The following CACNA2D3 variants were observed in gnomAD, a reference collection of about 807,000 sequenced individuals.
The protein encoded by CACNA2D3 is calcium voltage-gated channel auxiliary subunit alpha2delta 3, also known as voltage-dependent calcium channel subunit alpha-2/delta-3.
A neutral mutation model predicts 160.6 loss-of-function variants in CACNA2D3; 60 were observed. That is an observed-to-expected ratio of 0.37 (90% CI 0.30 to 0.46). The LOEUF (loss-of-function observed/expected upper bound fraction) is 0.46, where lower values mean the gene tolerates loss of function less well. CACNA2D3 is among the 20% of genes least tolerant of loss of function. CACNA2D3 has a pLI of 1.00. For synonymous variants in CACNA2D3, 558 were observed against 492.9 expected (o/e 1.13, Z -1.75); for missense variants, 1,205 against 1,365.0 (o/e 0.88, Z 1.85).
chr3:54,276,954 G>T (rs566460155), intron 2 of CACNA2D3, among the ~76,000 whole-genome samples: 5 of 152,288 alleles, frequency 3.3e-5, no homozygotes, highest in African/African-American at 1.2e-4. Flanking sequence ...ATGAGCTATG[G>T]CCCACCGCAG....
intron 11 of CACNA2D3, among the ~76,000 whole-genome samples, chr3:54,745,821 T>C (rs943609030): frequency 2.0e-5 from 3 of 152,186 alleles, no homozygotes; most frequent in Admixed American, 6.5e-5. Flanking sequence ...AATTGGAATT[T>C]TTTTTTCAAT....
intron 11 of CACNA2D3, among the ~76,000 whole-genome samples, chr3:54,743,548 C>T (rs1416254717): frequency 6.6e-6 from 1 of 152,134 alleles, no homozygotes; most frequent in East Asian, 1.9e-4. Flanking sequence ...GTGACACAGC[C>T]CCATGATGTT....
chr3:54,956,815 T>C (rs1021983358), intron 27 of CACNA2D3, among the ~76,000 whole-genome samples: 6 of 152,182 alleles, frequency 3.9e-5, no homozygotes, highest in African/African-American at 1.4e-4. Context: ...AGCAAATGAC[T>C]TACCTTGATA....
intron 2 of CACNA2D3, among the ~76,000 whole-genome samples, chr3:54,126,777 T>C (rs1481042578): frequency 6.6e-6 from 1 of 152,230 alleles, no homozygotes; most frequent in African/African-American, 2.4e-5. Flanking sequence ...GCCTGTGTGC[T>C]GCCTTGCTAA....
At chr3:54,350,988 T>G (rs1698549948) in intron 3 of CACNA2D3, among the ~76,000 whole-genome samples, 2 of 84,494 alleles carry the variant, frequency 2.4e-5, no homozygotes, top group African/African-American at 1.2e-4. Flanking sequence ...TTTTGTTTGT[T>G]TTTTTTTTTT....
chr3:54,875,142 C>T (rs1699629848), intron 18 of CACNA2D3: 1 of 152,040 alleles, frequency 6.6e-6, no homozygotes, highest in South Asian at 2.1e-4. Flanking sequence ...ATTTCTGAGA[C>T]CTTAGTCCAT....
chr3:54,883,414 A>T (rs976020355), intron 21 of CACNA2D3, among the ~76,000 whole-genome samples: 8 of 152,234 alleles, frequency 5.3e-5, no homozygotes, highest in African/African-American at 1.9e-4. Flanking sequence ...ATCAGTGGAT[A>T]TGATTTTTAT....
chr3:54,894,096 CAG>C (rs1179827323), intron 25 of CACNA2D3, among the ~76,000 whole-genome samples: 2 of 152,162 alleles, frequency 1.3e-5, no homozygotes, highest in African/African-American at 4.8e-5. Context: ...ATTACTCACT[CAG>C]AGTCACCCAG....
intron 9 of CACNA2D3, among the ~76,000 whole-genome samples, chr3:54,592,793 C>A (rs1010990448): frequency 6.6e-6 from 1 of 152,210 alleles, no homozygotes; most frequent in African/African-American, 2.4e-5. Flanking sequence ...CAGTTTTGAT[C>A]TTTTCTTGTG....
chr3:54,405,164 A>T (rs148709644), intron 4 of CACNA2D3, among the ~76,000 whole-genome samples: 1 of 151,878 alleles, frequency 6.6e-6, no homozygotes, highest in Non-Finnish European at 1.5e-5. Flanking sequence ...TATAGATCCA[A>T]TGCAATCCCT....
chr3:54,780,175 T>C (rs182930401), intron 13 of CACNA2D3, among the ~76,000 whole-genome samples: 58 of 152,348 alleles, frequency 3.8e-4, no homozygotes, highest in Middle Eastern at 3.4e-3. Context: ...GTCTAAAATA[T>C]TGTCTCCAAA....
intron 3 of CACNA2D3, among the ~76,000 whole-genome samples, chr3:54,333,619 C>A (rs894980790): frequency 6.6e-6 from 1 of 152,030 alleles, no homozygotes; most frequent in Admixed American, 6.6e-5. Context: ...GAGTGAAGCC[C>A]CCGGGGCAGC....
intron 2 of CACNA2D3, among the ~76,000 whole-genome samples, chr3:54,275,764 C>T (rs943771412): frequency 2.0e-5 from 3 of 152,046 alleles, no homozygotes; most frequent in Non-Finnish European, 4.4e-5. Flanking sequence ...ATTACAGGTG[C>T]CTGCCACCAC....
At chr3:54,801,105 G>C (rs1449836359) in intron 13 of CACNA2D3, among the ~76,000 whole-genome samples, 3 of 151,576 alleles carry the variant, frequency 2.0e-5, no homozygotes, top group Middle Eastern at 3.4e-3. Context: ...TAACGCCTCA[G>C]CCTCCTGAGT....
intron 5 of CACNA2D3, among the ~76,000 whole-genome samples, chr3:54,531,093 A>G (rs1256164294): frequency 6.6e-6 from 1 of 152,254 alleles, no homozygotes; most frequent in East Asian, 1.9e-4. Flanking sequence ...CATGGCTTTT[A>G]AGATGTGATG....
intron 25 of CACNA2D3, among the ~76,000 whole-genome samples, chr3:54,891,774 C>G (rs1700075296): frequency 6.6e-6 from 1 of 152,202 alleles, no homozygotes; most frequent in Non-Finnish European, 1.5e-5. Flanking sequence ...GGAGGAAACA[C>G]TCATCTCGTA....
At chr3:54,740,540 A>G (rs994558623) in intron 11 of CACNA2D3, among the ~76,000 whole-genome samples, 1 of 152,156 alleles carries the variant, frequency 6.6e-6, no homozygotes, top group African/African-American at 2.4e-5. Flanking sequence ...GAGCTCGTAC[A>G]GATCACCAAA....
chr3:55,039,038 C>T (rs1293290202), intron 35 of CACNA2D3, among the ~76,000 whole-genome samples: 1 of 151,788 alleles, frequency 6.6e-6, no homozygotes, highest in South Asian at 2.1e-4. Flanking sequence ...GATTGTGAAG[C>T]AGAGATGCTG....
At chr3:54,493,283 T>C (rs7374990) in intron 4 of CACNA2D3, among the ~76,000 whole-genome samples, 150,689 of 152,078 alleles carry the variant, frequency 0.99, 74,672 homozygotes, top group Middle Eastern at 1. Flanking sequence ...CACTGTGTTG[T>C]CCAGGCTGGT....
Sources: allele counts gnomAD v4.1 joint callset (sites outside exome capture counted in the v4.1 genomes callset), GRCh38; gene constraint gnomAD v4.1.1; transcripts MANE v1.5; gene names NCBI Gene and HGNC (gene_info 2026-07-23, HGNC 2026-07-21).